The following MAP7D1 variants were observed in gnomAD, a reference collection of about 807,000 sequenced individuals.
MAP7D1 encodes the protein MAP7 domain containing 1, also known as MAP7 domain-containing protein 1.
MAP7D1 carries 30 observed loss-of-function variants against 97.5 expected under a neutral mutation model. The ratio of observed to expected loss-of-function variants is 0.31; its 90% CI spans 0.23 to 0.42. The LOEUF (loss-of-function observed/expected upper bound fraction) is 0.42. MAP7D1 is among the 10% of genes least tolerant of loss of function. The pLI is 1.00. For missense variants in MAP7D1, 1,184 were observed against 1,179.5 expected, an observed-to-expected ratio of 1.00 and a Z score of -0.06; for synonymous variants, 536 against 477.1, an observed-to-expected ratio of 1.12 and a Z score of -1.61.
In MAP7D1 at chr1:36,171,187, C is replaced by A. The variant is rs1644538156; in HGVS notation, c.263C>A (p.Ser88Tyr). 2 of 1,613,852 alleles carry A rather than the reference C, an allele frequency of 1.2e-6. No homozygotes were observed. Among genetic ancestry groups the A allele is most frequent in the Non-Finnish European group, 1.7e-6 (2 of 1,179,956 alleles). ...RPAPPQEESP[S>Y]SEAKSRGPTP... ...GCCCCCCCGCAGGAAGAGTCCCCTT[C>A]CTCTGAAGCAAAGAGCAGAGGACCC... The change falls in exon 2 of 17, where the codon TCC (serine) becomes TAC (tyrosine). Residue 88 changes from serine (S) to tyrosine (Y), a missense_variant. Ser to Tyr is a moderately radical substitution (Grantham distance 144, BLOSUM62 -2). Transcript: ENST00000474796.
chr1:36,162,431 C>A (rs1448801757), intron 1 of MAP7D1, among the ~76,000 whole-genome samples: 4 of 152,180 alleles, frequency 2.6e-5, no homozygotes, highest in Non-Finnish European at 4.4e-5. Flanking sequence ...AGCTTCAGGG[C>A]GGGGTAATGT....
intron 1 of MAP7D1, among the ~76,000 whole-genome samples, chr1:36,165,854 C>T (rs1644467891): frequency 6.6e-6 from 1 of 151,922 alleles, no homozygotes; most frequent in Non-Finnish European, 1.5e-5. Flanking sequence ...CCTCAGCCTC[C>T]CGAGTAGCTG....
intron 1 of MAP7D1, among the ~76,000 whole-genome samples, chr1:36,166,325 C>T (rs1644474054): frequency 1.3e-5 from 2 of 151,268 alleles, no homozygotes. Flanking sequence ...ATGACTTTGG[C>T]TTTTTCTTCC....
At chr1:36,163,820 T>TC (rs1341123658) in intron 1 of MAP7D1, among the ~76,000 whole-genome samples, 27 of 29,366 alleles carry the variant, frequency 9.2e-4, no homozygotes, top group Admixed American at 9.0e-3. Flanking sequence ...TTTTTTTCTT[T>TC]TTTTTTTTTT....
rs272830 is a variant in MAP7D1, at chr1:36,159,203, G to C, written c.46+2740G>C. The stretch of plus-strand genomic sequence containing the variant: ...CTCCCGAGTAGCTGGGATTACAGGC[G>C]CCTGCCACCGCGCCCGGCTAATTTT... On this transcript the variant is annotated intron_variant, in intron 1 of 16. Transcript: ENST00000474796. The surrounding 1 kb of genome is among the most constrained non-coding windows in gnomAD (Gnocchi z 5.4). Among the ~76,000 whole-genome samples the C allele has an allele frequency of 0.025, 3,758 of 152,066 alleles. 180 individuals carry two copies. Among genetic ancestry groups the C allele is most frequent in the African/African-American group, 0.086 (3,547 of 41,464 alleles).
chr1:36,163,388 T>C (rs1391753191), intron 1 of MAP7D1, among the ~76,000 whole-genome samples: 1 of 152,208 alleles, frequency 6.6e-6, no homozygotes, highest in African/African-American at 2.4e-5. Context: ...CAATCTGGCA[T>C]AGACCAAAAA....
Position 36,177,962 on chromosome 1 carries a change from T to C in MAP7D1, c.1469T>C (p.Leu490Pro), listed in dbSNP as rs1370213032. Residue 490 changes from leucine to proline, a missense_variant, in exon 9 of 17, where the codon CTG becomes CCG. By Grantham distance (98) the Leu-to-Pro change is moderately conservative. Transcript: ENST00000474796. Reference protein sequence around the residue: ...PCPSPGPGHTLPPKPPSPRGT... With the variant: ...PCPSPGPGHTPPPKPPSPRGT... ...CCCAGCCCAGGGCCAGGCCACACTC[T>C]GCCTCCAAAGCCACCGTCCCCCCGA... 3.1e-6 allele frequency: 5 copies of C among 1,601,976 alleles called. No homozygotes were observed. Among genetic ancestry groups the C allele is most frequent in the South Asian group, 1.1e-5 (1 of 89,632 alleles).
chr1:36,176,880 G>T lies in MAP7D1; in HGVS notation c.1379+38G>T, dbSNP rs781077092. 3.3e-6 allele frequency: 5 copies of T among 1,512,220 alleles called. No individual in the cohort carries two copies. Among genetic ancestry groups the T allele is most frequent in the Admixed American group, 2.0e-5 (1 of 49,306 alleles). 93.7% of individuals were successfully genotyped at this position (1,512,220 alleles called of 1,614,324 possible). ...GGTGCGAGGGACCCTGCCCCTCACC[G>T]GGTCATTTATTCATCACCCACAAAT... On this transcript the variant is annotated intron_variant, in intron 8 of 16. Transcript: ENST00000474796. This position sits in a 1 kb window ranked among gnomAD's most constrained non-coding sequence, Gnocchi z 6.1.
In MAP7D1 at chr1:36,178,452, C is replaced by G; in HGVS notation, c.1742C>G (p.Ala581Gly). Residue 581 changes from alanine (A) to glycine (G), a missense_variant, in exon 10 of 17, where the codon GCT (alanine) becomes GGT (glycine). Transcript: ENST00000474796. ...GTCTTGACCTCACCCCCAGCCCCTG[C>G]TCCCCCGGTGACCCCTAGCAAACCA... Reference protein sequence around the residue: ...AAVLTSPPAPAPPVTPSKPMA... With the variant: ...AAVLTSPPAPGPPVTPSKPMA... 5.0e-6 allele frequency: 8 copies of G among 1,611,468 alleles called. No homozygotes were observed. Among genetic ancestry groups the G allele is most frequent in the Non-Finnish European group, 6.8e-6 (8 of 1,179,494 alleles).
In MAP7D1 at chr1:36,159,272, G is replaced by T. The variant is rs1364522622; in HGVS notation, c.46+2809G>T. Among the ~76,000 whole-genome samples the T allele has an allele frequency of 6.6e-6, 1 of 152,140 alleles. No homozygotes were observed. Among genetic ancestry groups the T allele is most frequent in the Non-Finnish European group, 1.5e-5 (1 of 68,034 alleles). On this transcript the variant is annotated intron_variant, in intron 1 of 16. Coordinates refer to ENST00000474796, the MANE Select transcript of MAP7D1 (RefSeq NM_001388490.1). This position sits in a 1 kb window ranked among gnomAD's most constrained non-coding sequence, Gnocchi z 5.4. Reference sequence around the variant, plus strand: ...AGGGTTTTGCCACATTGGCCGGGCTGGTCTCGAACTCCTGACCTCGTGATC... The same window carrying T: ...AGGGTTTTGCCACATTGGCCGGGCTTGTCTCGAACTCCTGACCTCGTGATC...
chr1:36,179,291 G>A lies in MAP7D1; in HGVS notation c.2160G>A (p.Arg720=), dbSNP rs1374011903. ...KRLEEIMKRT[R]KSEVSETKKQ... ...TGGAGGAGATCATGAAGAGGACTCG[G>A]AAGTCAGAAGTTTCTGAAACCAAGG... The change falls in exon 13 of 17, where the codon CGG becomes CGA. Residue 720 remains arginine (R), a synonymous_variant. Transcript: ENST00000474796. 3 of 1,614,122 alleles carry A rather than the reference G, an allele frequency of 1.9e-6. No individual in the cohort carries two copies. Among genetic ancestry groups the A allele is most frequent in the South Asian group, 1.1e-5 (1 of 91,072 alleles).
chr1:36,158,032 G>A (rs1644361123), intron 1 of MAP7D1, among the ~76,000 whole-genome samples: 1 of 152,148 alleles, frequency 6.6e-6, no homozygotes, highest in South Asian at 2.1e-4. Flanking sequence ...TGGGGGTGGT[G>A]ACTGGGATAC....
At chr1:36,157,599 GT>G (rs1391723412) in intron 1 of MAP7D1, among the ~76,000 whole-genome samples, 1 of 152,180 alleles carries the variant, frequency 6.6e-6, no homozygotes, top group African/African-American at 2.4e-5. Flanking sequence ...CCCAAGTTCT[GT>G]TCCCATTGAC....
chr1:36,170,318 C>T (rs1018501679), intron 1 of MAP7D1, among the ~76,000 whole-genome samples: 8 of 152,212 alleles, frequency 5.3e-5, no homozygotes, highest in Non-Finnish European at 1.0e-4. Flanking sequence ...ATAAAGTGGA[C>T]GTAGCTTGTT....
In MAP7D1 at chr1:36,156,280, G is replaced by A; in HGVS notation, c.-138G>A. 1 of 625,990 alleles carries A rather than the reference G, an allele frequency of 1.6e-6. No individual in the cohort carries two copies. The highest frequency in any genetic ancestry group is 3.5e-5 in the South Asian group (1 of 28,562). The allele number at this position is 625,990 out of a possible 1,614,324, so 38.8% of individuals were successfully genotyped here. A position where few individuals can be genotyped will look rare whatever the true frequency, so the allele number is the denominator to read the frequency against. Reference sequence around the variant, plus strand: ...CGGGCCACCTGCCTCGACCTTCCCCGGAGCGCCCCCGCCTCCGAGTCGCTA... The same window carrying A: ...CGGGCCACCTGCCTCGACCTTCCCCAGAGCGCCCCCGCCTCCGAGTCGCTA... On this transcript the variant is annotated 5_prime_UTR_variant, in exon 1 of 17. Transcript: ENST00000474796.
Position 36,180,735 on chromosome 1 carries a change from C to G in MAP7D1, c.*477C>G, listed in dbSNP as rs910812683. 2.0e-5 allele frequency: 4 copies of G among 195,900 alleles called. No individual in the cohort carries two copies. In the East Asian group the frequency reaches 4.9e-4, roughly 24 times the overall value. 12.1% of individuals were successfully genotyped at this position (195,900 alleles called of 1,614,324 possible). On this transcript the variant is annotated 3_prime_UTR_variant, in exon 17 of 17. Transcript: ENST00000474796. ...TCCCAGGTCTGGGGATGGGGGACAC[C>G]TTGGGCCACAGGATACTGGTTGCTT...
chr1:36,173,007 G>A (rs953787975), intron 4 of MAP7D1, among the ~76,000 whole-genome samples: 1 of 152,218 alleles, frequency 6.6e-6, no homozygotes, highest in Non-Finnish European at 1.5e-5. Flanking sequence ...CCCTACCTGG[G>A]AGGGCCTCAG....
chr1:36,174,958 A>G lies in MAP7D1; in HGVS notation c.800A>G (p.Asn267Ser), dbSNP rs1486771391. ...NLPKHVDSIINKRLSKSSATL... is the reference protein window; with the variant it reads ...NLPKHVDSIISKRLSKSSATL... Reference sequence around the variant, plus strand: ...CCCAAACACGTGGACTCTATAATCAACAAGCGGCTCTCAAAGTCCTCTGCC... The same window carrying G: ...CCCAAACACGTGGACTCTATAATCAGCAAGCGGCTCTCAAAGTCCTCTGCC... The change falls in exon 6 of 17, where the codon AAC (asparagine) becomes AGC (serine). Residue 267 changes from asparagine to serine, a missense_variant. Coordinates refer to ENST00000474796, the MANE Select transcript of MAP7D1 (RefSeq NM_001388490.1). 1 of 1,613,736 alleles carries G rather than the reference A, an allele frequency of 6.2e-7. No individual in the cohort carries two copies. The highest frequency in any genetic ancestry group is 1.1e-5 in the South Asian group (1 of 91,066).
In MAP7D1 at chr1:36,178,558, C is replaced by A; in HGVS notation, c.1848C>A (p.Arg616=). 6.3e-7 allele frequency: 1 copy of A among 1,594,998 alleles called. No individual in the cohort carries two copies. The highest frequency in any genetic ancestry group is 8.5e-7 in the Non-Finnish European group (1 of 1,171,950). ...GCCAGGCCCGGGAGCAGCGGGAGCG[C>A]GAGGAGCAGGAGCGGAGGCTGCAGG... ...KRRQAREQRE[R]EEQERRLQAE... is the part of the protein sequence containing the mutation. Residue 616 remains arginine (R), a synonymous_variant, in exon 10 of 17, where the codon CGC becomes CGA. Transcript: ENST00000474796.
Sources: allele counts gnomAD v4.1 joint callset (sites outside exome capture counted in the v4.1 genomes callset), GRCh38; gene constraint gnomAD v4.1.1; non-coding constraint Gnocchi (gnomAD v3.1); transcripts MANE v1.5; gene names NCBI Gene and HGNC (gene_info 2026-07-23, HGNC 2026-07-21).